The following CLVS1 variants were observed in gnomAD, a reference collection of about 807,000 sequenced individuals.
CLVS1 encodes the protein clavesin 1, also known as clavesin-1.
Under a neutral mutation model 33.1 loss-of-function variants are expected in CLVS1, and 10 were observed. The ratio of observed to expected loss-of-function variants is 0.30; its 90% CI spans 0.19 to 0.51. The LOEUF is 0.51. Ranked by LOEUF, CLVS1 falls within the 20% of genes least tolerant of loss-of-function variation. The pLI is 0.97. For missense variants in CLVS1, 343 were observed against 433.4 expected (o/e 0.79, Z 1.85); for synonymous variants, 163 against 166.1 (o/e 0.98, Z 0.14).
intron 2 of CLVS1, among the ~76,000 whole-genome samples, chr8:61,361,143 G>A (rs1812959698): frequency 6.6e-6 from 1 of 152,122 alleles, no homozygotes; most frequent in African/African-American, 2.4e-5. Flanking sequence ...CCACCAAGGG[G>A]AAGGTGCTAA....
intron 5 of CLVS1, among the ~76,000 whole-genome samples, chr8:61,498,849 T>TCTAA (rs1804385861): frequency 6.6e-6 from 1 of 152,264 alleles, no homozygotes; most frequent in African/African-American, 2.4e-5. Flanking sequence ...AGGGACAGAG[T>TCTAA]CTAACTTTAC....
At chr8:61,240,071 C>T (rs1808659559) in intron 2 of CLVS1, among the ~76,000 whole-genome samples, 1 of 152,100 alleles carries the variant, frequency 6.6e-6, no homozygotes, top group South Asian at 2.1e-4. Context: ...AGTCTTTCCA[C>T]CATACAGGGA....
chr8:60,971,338 C>T, the CLVS1 span, among the ~76,000 whole-genome samples: 4 of 152,184 alleles, frequency 2.6e-5, no homozygotes, highest in East Asian at 1.9e-4. Context: ...CTTGGCCTTC[C>T]GAAGTGCTGG....
At chr8:61,077,424 C>G (rs1313567447) in intron 1 of CLVS1, among the ~76,000 whole-genome samples, 1 of 149,224 alleles carries the variant, frequency 6.7e-6, no homozygotes, top group East Asian at 2.0e-4. Context: ...CTCTTAAAGT[C>G]AAGGGACCCT....
At chr8:61,411,174 G>T (rs559529284) in intron 3 of CLVS1, among the ~76,000 whole-genome samples, 12 of 152,278 alleles carry the variant, frequency 7.9e-5, no homozygotes, top group Non-Finnish European at 1.3e-4. Flanking sequence ...ATGCTTCCAA[G>T]AATGTGTGTA....
At chr8:61,435,651 A>G (rs569710092) in intron 3 of CLVS1, among the ~76,000 whole-genome samples, 1 of 152,118 alleles carries the variant, frequency 6.6e-6, no homozygotes, top group Non-Finnish European at 1.5e-5. Flanking sequence ...AATGCTTCAC[A>G]TATGTATGTA....
chr8:61,171,497 C>T (rs1041959318), intron 2 of CLVS1, among the ~76,000 whole-genome samples: 21 of 152,168 alleles, frequency 1.4e-4, no homozygotes, highest in Admixed American at 1.4e-3. Flanking sequence ...GAAACCTGGT[C>T]ATTTGCCTTC....
chr8:61,232,022 GGTTTTTTTTTTT>G (rs1241392708), intron 2 of CLVS1, among the ~76,000 whole-genome samples: 3 of 117,074 alleles, frequency 2.6e-5, no homozygotes, highest in East Asian at 3.5e-4. Flanking sequence ...GGAAAGTTGT[GGTTTTTTTTTTT>G]TTTTTTTTTT....
At chr8:61,034,185 C>T in the CLVS1 span, among the ~76,000 whole-genome samples, 1 of 152,174 alleles carries the variant, frequency 6.6e-6, no homozygotes, top group Admixed American at 6.5e-5. Flanking sequence ...ACTTGGACAC[C>T]CATGAGCCAC....
chr8:61,310,948 C>A (rs1284084852), intron 2 of CLVS1, among the ~76,000 whole-genome samples: 1 of 152,190 alleles, frequency 6.6e-6, no homozygotes, highest in Non-Finnish European at 1.5e-5. Flanking sequence ...TCCTTTTACC[C>A]TTGTTTTTCT....
chr8:61,019,053 C>T, the CLVS1 span, among the ~76,000 whole-genome samples: 1 of 152,224 alleles, frequency 6.6e-6, no homozygotes. Flanking sequence ...TGAGCTGCTT[C>T]TCTAGAAGCC....
rs889801278 is a variant in CLVS1 at position 61,277,274 on chromosome 8, C to T, written c.-151-22403C>T. Among the ~76,000 whole-genome samples the T allele has an allele frequency of 2.6e-5, 4 of 152,204 alleles. No individual in the cohort carries two copies. The East Asian group carries it at 5.8e-4, about 22-fold the overall frequency. Reference sequence around the variant, plus strand: ...AGCTGATGGATATCTGGAGTCTATACCACACTCCCATGTTCCAAGGACCAG... The same window carrying T: ...AGCTGATGGATATCTGGAGTCTATATCACACTCCCATGTTCCAAGGACCAG... On this transcript the variant is annotated intron_variant, in intron 2 of 2. Transcript: ENST00000522621.
At chr8:61,073,912 T>C (rs1200608862) in intron 1 of CLVS1, among the ~76,000 whole-genome samples, 2 of 145,708 alleles carry the variant, frequency 1.4e-5, no homozygotes, top group Non-Finnish European at 3.0e-5. Context: ...CTCGGGATGC[T>C]GAGGCAGGAG....
chr8:61,063,136 A>G (rs149227486), intron 1 of CLVS1, among the ~76,000 whole-genome samples: 1 of 152,274 alleles, frequency 6.6e-6, no homozygotes, highest in East Asian at 1.9e-4. Flanking sequence ...ATGCTACGTA[A>G]GTAAGACAAA....
chr8:61,467,552 C>A lies in CLVS1; in HGVS notation c.977+9010C>A, dbSNP rs10092232. Among the ~76,000 whole-genome samples the A allele has an allele frequency of 5.9e-3, 891 of 152,160 alleles. 13 individuals are homozygous for A. Among genetic ancestry groups the A allele is most frequent in the African/African-American group, 0.02 (838 of 41,496 alleles). On this transcript the variant is annotated intron_variant, in intron 5 of 5. Transcript: ENST00000325897. ...GTGTGTTCATTCTGGTGGACAGGCACGGGTACAAATCCTGGACGAAACAGG... is the reference window on the plus strand; with the variant it reads ...GTGTGTTCATTCTGGTGGACAGGCAAGGGTACAAATCCTGGACGAAACAGG...
At chr8:61,110,187 G>A (rs1356660769) in intron 1 of CLVS1, among the ~76,000 whole-genome samples, 1 of 152,136 alleles carries the variant, frequency 6.6e-6, no homozygotes, top group Non-Finnish European at 1.5e-5. Context: ...GGGTCGGCCT[G>A]TAACCCTGAC....
chr8:60,967,682 CCTGCCCA>C, the CLVS1 span: 1 of 456,022 alleles, frequency 2.2e-6, no homozygotes, highest in Non-Finnish European at 4.4e-6. Flanking sequence ...TCAGGCCTCT[CCTGCCCA>C]CTGCTCAGGG....
At chr8:61,115,587 A>G (rs1042304683) in intron 1 of CLVS1, among the ~76,000 whole-genome samples, 1 of 149,872 alleles carries the variant, frequency 6.7e-6, no homozygotes, top group Non-Finnish European at 1.5e-5. Flanking sequence ...ATGTGTTCTC[A>G]TTGTTCAATT....
At chr8:61,374,296 A>G (rs2129601475) in intron 2 of CLVS1, among the ~76,000 whole-genome samples, 1 of 152,054 alleles carries the variant, frequency 6.6e-6, no homozygotes, top group African/African-American at 2.4e-5. Flanking sequence ...CCCTTTTATT[A>G]TTTAATTCTT....
Sources: gnomAD v4.1 joint callset for allele counts (sites outside exome capture counted in the v4.1 genomes callset) on GRCh38, gnomAD v4.1.1 for gene constraint, MANE v1.5 for transcripts, NCBI Gene and HGNC (gene_info 2026-07-23, HGNC 2026-07-21) for gene names.